The following UGT1A9 variants were observed in gnomAD, a reference collection of about 807,000 sequenced individuals.
The protein encoded by UGT1A9 is UDP-glucuronosyltransferase 1A9.
In UGT1A9, 35 loss-of-function variants were observed where a neutral mutation model predicts 45.0. The ratio of observed to expected loss-of-function variants is 0.78; its 90% CI spans 0.59 to 1.03. UGT1A9 has a LOEUF of 1.03. Ranked by LOEUF, UGT1A9 falls within the 50% of genes least tolerant of loss-of-function variation. The probability of loss-of-function intolerance (pLI) is 0.00; values close to 1 mark genes in which losing one functional copy is unlikely to be tolerated. For synonymous variants in UGT1A9, 278 were observed against 250.6 expected (o/e 1.11, Z -1.03); for missense variants, 687 against 666.6 (o/e 1.03, Z -0.34).
chr2:233,699,130 A>C (rs150919646), intron 1 of UGT1A9, among the ~76,000 whole-genome samples: 33 of 152,278 alleles, frequency 2.2e-4, no homozygotes, highest in African/African-American at 7.9e-4. Flanking sequence ...TACTTATGTC[A>C]GATTCTCATG....
intron 1 of UGT1A9, among the ~76,000 whole-genome samples, chr2:233,734,792 AG>A (rs1191669872): frequency 1.3e-5 from 2 of 152,190 alleles, no homozygotes; most frequent in African/African-American, 4.8e-5. Context: ...ATTCAGGAGC[AG>A]GTTGTTCAGT....
In UGT1A9 at chr2:233,769,405, G is replaced by A. The variant is rs932646645; in HGVS notation, c.1295+966G>A. On this transcript the variant is annotated intron_variant, in intron 4 of 4. Coordinates refer to ENST00000354728, the MANE Select transcript of UGT1A9 (RefSeq NM_021027.3). This position sits in a 1 kb window ranked among gnomAD's most constrained non-coding sequence, Gnocchi z 4.4. ...CAATAGATACTGTGTGCATATGTGC[G>A]TGTGCGTTTGTGCATGTGGCTGTGC... 111 of 1,239,692 alleles carry A rather than the reference G, an allele frequency of 9.0e-5. No homozygotes were observed. The South Asian group carries it at 1.2e-3, about 14-fold the overall frequency. The allele number at this position is 1,239,692 out of a possible 1,614,324, so 76.8% of individuals were successfully genotyped here.
chr2:233,705,820 C>A (rs953986068), intron 1 of UGT1A9, among the ~76,000 whole-genome samples: 2 of 152,104 alleles, frequency 1.3e-5, no homozygotes, highest in African/African-American at 4.8e-5. Context: ...GAATTTCAGG[C>A]CGAGCACAGT....
At chr2:233,711,885 A>T (rs1353454537) in intron 1 of UGT1A9, among the ~76,000 whole-genome samples, 1 of 152,222 alleles carries the variant, frequency 6.6e-6, no homozygotes, top group African/African-American at 2.4e-5. Context: ...GAGCAGGACG[A>T]GTCTCATGGG....
chr2:233,712,298 G>T (rs1192832696), intron 1 of UGT1A9, among the ~76,000 whole-genome samples: 3 of 152,338 alleles, frequency 2.0e-5, no homozygotes, highest in East Asian at 1.9e-4. Context: ...CCATGGTGTA[G>T]ATGGAGAATC....
intron 1 of UGT1A9, among the ~76,000 whole-genome samples, chr2:233,749,727 C>A (rs1694261714): frequency 6.6e-6 from 1 of 151,854 alleles, no homozygotes; most frequent in Admixed American, 6.5e-5. Context: ...CAGTTTCGCA[C>A]CTGCTGGTCT....
intron 1 of UGT1A9, among the ~76,000 whole-genome samples, chr2:233,761,633 C>A (rs1697819960): frequency 6.6e-6 from 1 of 152,236 alleles, no homozygotes; most frequent in Non-Finnish European, 1.5e-5. Context: ...CTAAATCCTG[C>A]AGTCCGTTCT....
At chr2:233,725,342 A>G (rs1368487533) in intron 1 of UGT1A9, among the ~76,000 whole-genome samples, 1 of 138,706 alleles carries the variant, frequency 7.2e-6, no homozygotes, top group Non-Finnish European at 1.6e-5. Flanking sequence ...CTTAAGTCCA[A>G]TAAGAATGTT....
In UGT1A9 at chr2:233,760,331, T is replaced by G. The variant is rs111033541; in HGVS notation, c.856-6703T>G. ...GGCGGACGCCCACTTGTCCTGGGCCTGCTGCTGTGTGTGCTGGGCCCAGTG... is the reference window on the plus strand; with the variant it reads ...GGCGGACGCCCACTTGTCCTGGGCCGGCTGCTGTGTGTGCTGGGCCCAGTG... On this transcript the variant is annotated intron_variant, in intron 1 of 4. Transcript: ENST00000354728. 1.9e-6 allele frequency: 3 copies of G among 1,614,080 alleles called. No individual in the cohort carries two copies. Among genetic ancestry groups the G allele is most frequent in the Non-Finnish European group, 2.5e-6 (3 of 1,179,954 alleles).
At position 233,769,359 on chromosome 2, in the gene UGT1A9, C is replaced by T. The variant is rs1218131588; in HGVS notation, c.1295+920C>T. 6.6e-6 allele frequency among the ~76,000 whole-genome samples: 1 copy of T among 152,174 alleles called. No individual in the cohort carries two copies. Among genetic ancestry groups the T allele is most frequent in the Non-Finnish European group, 1.5e-5 (1 of 68,040 alleles). On this transcript the variant is annotated intron_variant, in intron 4 of 4. Transcript: ENST00000354728. The surrounding 1 kb of genome is among the most constrained non-coding windows in gnomAD (Gnocchi z 4.4). ...AGAACCTTATGGGAAGAAGTGGTGG[C>T]CAGTGGTAGATTTCATCCGACAATA...
chr2:233,681,878 C>A, intron 1 of UGT1A9: 1 of 1,546,478 alleles, frequency 6.5e-7, no homozygotes, highest in Non-Finnish European at 8.7e-7. Flanking sequence ...GTACTTCTTC[C>A]ACTTACTATA....
At chr2:233,724,521 G>A (rs2077274560) in intron 1 of UGT1A9, among the ~76,000 whole-genome samples, 2 of 124,734 alleles carry the variant, frequency 1.6e-5, no homozygotes, top group Middle Eastern at 4.5e-3. Context: ...CCTCCCAGAT[G>A]GGGTCTCGCC....
intron 1 of UGT1A9, among the ~76,000 whole-genome samples, chr2:233,701,860 T>C (rs2075656379): frequency 6.6e-6 from 1 of 151,980 alleles, no homozygotes; most frequent in Admixed American, 6.5e-5. Context: ...TAGAGGGAAA[T>C]TTATAGCACT....
chr2:233,760,647 T>G (rs1697515072), intron 1 of UGT1A9: 1 of 1,614,134 alleles, frequency 6.2e-7, no homozygotes, highest in African/African-American at 1.3e-5. Context: ...AAAAGGACTC[T>G]GCTATGCTTT....
chr2:233,757,535 AATATATATATATAT>A (rs67292694), intron 1 of UGT1A9, among the ~76,000 whole-genome samples: 1 of 88,312 alleles, frequency 1.1e-5, no homozygotes, highest in South Asian at 5.2e-4. Flanking sequence ...GCCTGTAAGG[AATATATATATATAT>A]ATATATATAT....
intron 1 of UGT1A9, chr2:233,682,152 G>T: frequency 6.2e-7 from 1 of 1,614,212 alleles, no homozygotes; most frequent in South Asian, 1.1e-5. Flanking sequence ...TCACTGAATT[G>T]CACAGTGAAG....
chr2:233,737,160 G>A (rs1247160772), intron 1 of UGT1A9, among the ~76,000 whole-genome samples: 1 of 152,224 alleles, frequency 6.6e-6, no homozygotes, highest in Non-Finnish European at 1.5e-5. Flanking sequence ...CCTGCCCACA[G>A]AGGTGGAGTC....
chr2:233,690,526 C>G (rs1212510465), intron 1 of UGT1A9: 1 of 1,289,614 alleles, frequency 7.8e-7, no homozygotes, highest in African/African-American at 1.5e-5. Flanking sequence ...TTAGGATCTA[C>G]TTCTTTCACC....
chr2:233,722,092 G>A, intron 1 of UGT1A9: 1 of 213,982 alleles, frequency 4.7e-6, no homozygotes, highest in South Asian at 7.6e-5. Context: ...GATCACCTTA[G>A]GCCTCTTAGA....
Sources: allele counts gnomAD v4.1 joint callset (sites outside exome capture counted in the v4.1 genomes callset), GRCh38; gene constraint gnomAD v4.1.1; non-coding constraint Gnocchi (gnomAD v3.1); transcripts MANE v1.5; gene names NCBI Gene and HGNC (gene_info 2026-07-23, HGNC 2026-07-21).